DET1: variants seen among roughly 807,000 people sequenced by gnomAD.
DET1 encodes the protein DET1 partner of COP1 E3 ubiquitin ligase.
In DET1, 22 loss-of-function variants were observed where a neutral mutation model predicts 43.7. That is an observed-to-expected ratio of 0.50 (90% CI 0.36 to 0.72). DET1 has a LOEUF of 0.72. Ranked by LOEUF, DET1 falls within the 30% of genes least tolerant of loss-of-function variation. The pLI is 0.00. For missense variants in DET1, 713 were observed against 713.3 expected (o/e 1.00, Z 0.00); for synonymous variants, 315 against 266.2 (o/e 1.18, Z -1.79).
At chr15:88,508,829 A>T (rs890443056), downstream of DET1, among the ~76,000 whole-genome samples, 2 of 152,238 alleles carry the variant, frequency 1.3e-5, no homozygotes, top group African/African-American at 4.8e-5. Context: ...GTAATAAAAG[A>T]GAATAAGGGG....
At chr15:88,533,166 A>G (rs749591354) in intron 1 of DET1, among the ~76,000 whole-genome samples, 3 of 152,264 alleles carry the variant, frequency 2.0e-5, no homozygotes, top group Non-Finnish European at 2.9e-5. Context: ...ATGGCCACAA[A>G]GCATATGAAA....
chr15:88,542,349 CCTCACGGATATTAAAGGAGCCA>C (rs1203073753), intron 1 of DET1, among the ~76,000 whole-genome samples: 1 of 152,086 alleles, frequency 6.6e-6, no homozygotes, highest in Non-Finnish European at 1.5e-5. Flanking sequence ...ACTGGTATCT[CCTCACGGATATTAAAGGAGCCA>C]CTCAGAAGCC....
At chr15:88,505,705 G>A (rs765702063) in intron 7 of DET1, 1 of 152,144 alleles carries the variant, frequency 6.6e-6, no homozygotes, top group Admixed American at 6.5e-5. Flanking sequence ...ATACACTCCA[G>A]TTTCAAAAAC....
chr15:88,532,600 C>G (rs897500591), intron 1 of DET1, among the ~76,000 whole-genome samples: 4 of 152,114 alleles, frequency 2.6e-5, no homozygotes, highest in African/African-American at 9.7e-5. Context: ...TGGATAAAGA[C>G]AGACACAGAC....
downstream of DET1, among the ~76,000 whole-genome samples, chr15:88,508,464 C>A (rs959862328): frequency 2.0e-5 from 3 of 152,074 alleles, no homozygotes; most frequent in Non-Finnish European, 4.4e-5. Flanking sequence ...CTGAAAGCAA[C>A]TTAATAGATG....
At chr15:88,536,388 G>A in intron 1 of DET1, 5 of 767,284 alleles carry the variant, frequency 6.5e-6, no homozygotes, top group Non-Finnish European at 1.2e-5. Context: ...GCACCTAGGA[G>A]AAGGGACAGT....
At chr15:88,503,388 G>T (rs1298923096) in intron 8 of DET1, 1 of 152,178 alleles carries the variant, frequency 6.6e-6, no homozygotes, top group Admixed American at 6.5e-5. Context: ...CAAGGAAGAA[G>T]ATGGATACAA....
At chr15:88,512,247 A>C, downstream of DET1, 4 of 563,810 alleles carry the variant, frequency 7.1e-6, no homozygotes, top group Non-Finnish European at 9.0e-6. Context: ...CCACATGAGG[A>C]TGTGCAATTA....
chr15:88,536,415 T>C (rs1156451640), intron 1 of DET1: 3 of 710,964 alleles, frequency 4.2e-6, no homozygotes, highest in African/African-American at 3.6e-5. Flanking sequence ...CTCATAAATA[T>C]GTTAAAATAA....
chr15:88,532,265 T>C (rs541508950), intron 1 of DET1, among the ~76,000 whole-genome samples: 24 of 152,210 alleles, frequency 1.6e-4, no homozygotes, highest in African/African-American at 5.1e-4. Flanking sequence ...GTCACAACAC[T>C]GCACTCCAGC....
intron 3 of DET1, among the ~76,000 whole-genome samples, chr15:88,520,966 C>T (rs77746736): frequency 0.022 from 3,320 of 152,302 alleles, 94 homozygotes; most frequent in African/African-American, 0.076. Flanking sequence ...AACAGAACAG[C>T]CAGAGTGACT....
chr15:88,542,858 A>C (rs1346576379), intron 1 of DET1, among the ~76,000 whole-genome samples: 2 of 152,196 alleles, frequency 1.3e-5, no homozygotes, highest in East Asian at 1.9e-4. Flanking sequence ...TATTGCAAGC[A>C]GACTAGGCAC....
chr15:88,527,915 A>AACC, intron 2 of DET1, 129 bp from the exon 3 acceptor site: 2 of 591,682 alleles, frequency 3.4e-6, no homozygotes, highest in Non-Finnish European at 5.3e-6. Context: ...CAACAACAAC[A>AACC]ACAACAAGCA....
At chr15:88,536,236 G>A (rs562843735) in intron 1 of DET1, 113 of 716,864 alleles carry the variant, frequency 1.6e-4, no homozygotes, top group South Asian at 1.3e-3. Context: ...GGCACCTTAC[G>A]TCTGCCCACA....
chr15:88,518,105 A>ATTT (rs11327620), intron 3 of DET1, among the ~76,000 whole-genome samples: 10 of 133,396 alleles, frequency 7.5e-5, no homozygotes, highest in Admixed American at 1.5e-4. Flanking sequence ...CACCCAGCTA[A>ATTT]TTTTTTTTTT....
intron 3 of DET1, among the ~76,000 whole-genome samples, chr15:88,523,862 C>A (rs2056575431): frequency 6.6e-6 from 1 of 152,028 alleles, no homozygotes; most frequent in Non-Finnish European, 1.5e-5. Flanking sequence ...GGCCGCCACC[C>A]CGTCTGGGAA....
intron 3 of DET1, among the ~76,000 whole-genome samples, chr15:88,524,804 AAC>A (rs1203935053): frequency 2.0e-5 from 3 of 152,296 alleles, no homozygotes; most frequent in African/African-American, 4.8e-5. Flanking sequence ...CAGGGACACA[AAC>A]ACTGCGGAAG....
At chr15:88,528,382 C>A (rs1247904282) in intron 2 of DET1, among the ~76,000 whole-genome samples, 2 of 152,170 alleles carry the variant, frequency 1.3e-5, no homozygotes, top group Non-Finnish European at 2.9e-5. Flanking sequence ...ACTGCCCTGG[C>A]AAGTTGTATA....
chr15:88,524,047 C>A (rs540378174), intron 3 of DET1, among the ~76,000 whole-genome samples: 1 of 150,686 alleles, frequency 6.6e-6, no homozygotes, highest in Admixed American at 6.6e-5. Context: ...CGTCTCTGCC[C>A]GGCCGCCCAT....
Sources: allele counts gnomAD v4.1 joint callset (sites outside exome capture counted in the v4.1 genomes callset), GRCh38; gene constraint gnomAD v4.1.1; transcripts MANE v1.5; gene names NCBI Gene and HGNC (gene_info 2026-07-23, HGNC 2026-07-21).